Variants in CCDC85A observed in about 807,000 individuals in gnomAD.
CCDC85A encodes the protein coiled-coil domain containing 85A.
CCDC85A carries 38 observed loss-of-function variants against 50.2 expected under a neutral mutation model. The observed-to-expected ratio is 0.76, with a 90% CI of 0.58 to 0.99. CCDC85A has a LOEUF of 0.99. Among genes scored for constraint, CCDC85A ranks in the 50% least tolerant of loss-of-function variants. The pLI is 0.00. For missense variants in CCDC85A, 820 were observed against 742.0 expected (o/e 1.11, Z -1.22); for synonymous variants, 366 against 301.4 (o/e 1.21, Z -2.22).
At chr2:56,365,780 C>A (rs1191445442) in intron 3 of CCDC85A, among the ~76,000 whole-genome samples, 1 of 152,112 alleles carries the variant, frequency 6.6e-6, no homozygotes, top group East Asian at 1.9e-4. Flanking sequence ...CACTTTACAT[C>A]CACTTTCTTA....
At chr2:56,208,209 C>G (rs2103870294) in intron 2 of CCDC85A, among the ~76,000 whole-genome samples, 1 of 152,230 alleles carries the variant, frequency 6.6e-6, no homozygotes. Flanking sequence ...ATTCTGAGTT[C>G]TTATAAGAAT....
rs186962252 is a variant in CCDC85A at position 56,248,049 on chromosome 2, C to G, written c.1240+54609C>G. Among the ~76,000 whole-genome samples, 17 of 152,322 alleles carry G rather than the reference C, an allele frequency of 1.1e-4. No individual in the cohort carries two copies. In the East Asian group the frequency reaches 2.9e-3, roughly 26 times the overall value. On this transcript the variant is annotated intron_variant, in intron 2 of 5. Coordinates refer to ENST00000407595, the MANE Select transcript of CCDC85A (RefSeq NM_001080433.2). ...CAGAGTCACAGAACTTTATCTTTCT[C>G]TCTCACTGGATCATTTCAGAAAGTG...
chr2:56,358,965 T>TG (rs1675381621), intron 3 of CCDC85A, among the ~76,000 whole-genome samples: 2 of 42,720 alleles, frequency 4.7e-5, no homozygotes, highest in African/African-American at 1.1e-4. Context: ...TTTTGTATTT[T>TG]TTTTTTTTTT....
chr2:56,200,198 A>C (rs1331037433), intron 2 of CCDC85A, among the ~76,000 whole-genome samples: 1 of 152,246 alleles, frequency 6.6e-6, no homozygotes, highest in African/African-American at 2.4e-5. Flanking sequence ...TCTTGACTAC[A>C]GATAAGTGAG....
At chr2:56,362,052 G>T (rs1675553224) in intron 3 of CCDC85A, among the ~76,000 whole-genome samples, 1 of 152,136 alleles carries the variant, frequency 6.6e-6, no homozygotes, top group Admixed American at 6.5e-5. Flanking sequence ...TAGATGGAAT[G>T]TGGACTGTAA....
At chr2:56,379,983 G>T (rs74746590) in intron 5 of CCDC85A, 3,596 of 162,122 alleles carry the variant, frequency 0.022, 131 homozygotes, top group African/African-American at 0.082. Flanking sequence ...AATTTCCCTT[G>T]TTTTTATTTT....
At chr2:56,362,601 T>C (rs1406626217) in intron 3 of CCDC85A, among the ~76,000 whole-genome samples, 2 of 151,766 alleles carry the variant, frequency 1.3e-5, no homozygotes, top group East Asian at 3.9e-4. Context: ...TTTTTTTTTC[T>C]TTTTTTCTTT....
intron 5 of CCDC85A, among the ~76,000 whole-genome samples, chr2:56,380,441 T>C (rs1288743135): frequency 6.6e-6 from 1 of 151,954 alleles, no homozygotes; most frequent in Non-Finnish European, 1.5e-5. Context: ...ACACCTATAG[T>C]CCCAGCACTT....
At chr2:56,299,121 G>T (rs905208246) in intron 2 of CCDC85A, among the ~76,000 whole-genome samples, 8 of 152,132 alleles carry the variant, frequency 5.3e-5, no homozygotes, top group African/African-American at 1.9e-4. Context: ...TGATACCTCC[G>T]CTGTTTCTCC....
At chr2:56,250,589 C>T (rs895113199) in intron 2 of CCDC85A, among the ~76,000 whole-genome samples, 3 of 152,122 alleles carry the variant, frequency 2.0e-5, no homozygotes, top group Admixed American at 2.0e-4. Flanking sequence ...AAGGGCAGGA[C>T]ATTTTGGGTT....
chr2:56,199,749 C>CTGTGT (rs1676657725), intron 2 of CCDC85A, among the ~76,000 whole-genome samples: 1 of 152,180 alleles, frequency 6.6e-6, no homozygotes, highest in Non-Finnish European at 1.5e-5. Context: ...AACTGCCCTG[C>CTGTGT]TTAGAAATGT....
intron 3 of CCDC85A, among the ~76,000 whole-genome samples, chr2:56,345,034 C>T (rs577161807): frequency 2.4e-4 from 37 of 152,110 alleles, no homozygotes; most frequent in African/African-American, 8.9e-4. Flanking sequence ...CAGAAGAGTC[C>T]TTAACTATAC....
intron 2 of CCDC85A, among the ~76,000 whole-genome samples, chr2:56,246,431 A>T (rs1041363491): frequency 4.6e-5 from 7 of 152,110 alleles, no homozygotes; most frequent in Non-Finnish European, 8.8e-5. Flanking sequence ...ATCTAAAAAA[A>T]AAACCCCACA....
In CCDC85A at chr2:56,192,796, C is replaced by G. The variant is rs1676353206; in HGVS notation, c.596C>G (p.Ser199Cys). ...SQASLCQLTA[S>C]TAPYVRDVGD... ...GCCAGCCTGTGCCAACTCACAGCCT[C>G]CACCGCACCCTACGTGCGGGATGTG... The change falls in exon 2 of 6, where the codon TCC (serine) becomes TGC (cysteine). Residue 199 changes from serine to cysteine, a missense_variant. Physicochemically the swap from Ser to Cys is moderately radical, Grantham distance 112. Transcript: ENST00000407595. This position sits in a 1 kb window ranked among gnomAD's most constrained non-coding sequence, Gnocchi z 4.7. The G allele has an allele frequency of 1.2e-6, 2 of 1,613,292 alleles. No individual in the cohort carries two copies. The highest frequency in any genetic ancestry group is 2.2e-5 in the South Asian group (2 of 91,058).
chr2:56,275,703 T>C (rs1670902531), intron 2 of CCDC85A, among the ~76,000 whole-genome samples: 1 of 152,210 alleles, frequency 6.6e-6, no homozygotes, highest in South Asian at 2.1e-4. Context: ...TCTGATGTAA[T>C]ATTTTGTAAA....
intron 2 of CCDC85A, among the ~76,000 whole-genome samples, chr2:56,236,808 C>T (rs959957433): frequency 6.6e-6 from 1 of 152,084 alleles, no homozygotes; most frequent in Non-Finnish European, 1.5e-5. Flanking sequence ...ACAAATTTCT[C>T]AGGTCTCTTA....
At chr2:56,306,208 C>A (rs1029931951) in intron 2 of CCDC85A, among the ~76,000 whole-genome samples, 1 of 152,106 alleles carries the variant, frequency 6.6e-6, no homozygotes, top group African/African-American at 2.4e-5. Context: ...CAGCTCAGTA[C>A]AACCTCCGCC....
intron 2 of CCDC85A, among the ~76,000 whole-genome samples, chr2:56,252,338 G>A (rs746869975): frequency 2.6e-5 from 4 of 152,144 alleles, no homozygotes; most frequent in Non-Finnish European, 5.9e-5. Context: ...GAGCCACTGC[G>A]CCTGACCTCA....
chr2:56,317,554 A>G (rs773901806), intron 2 of CCDC85A, among the ~76,000 whole-genome samples: 17 of 152,202 alleles, frequency 1.1e-4, no homozygotes, highest in Non-Finnish European at 2.2e-4. Flanking sequence ...CTTTTTCCTC[A>G]TTAAGAGGAA....
Sources: gnomAD v4.1 joint callset for allele counts (sites outside exome capture counted in the v4.1 genomes callset) on GRCh38, gnomAD v4.1.1 for gene constraint, Gnocchi (gnomAD v3.1) non-coding constraint, MANE v1.5 for transcripts, NCBI Gene and HGNC (gene_info 2026-07-23, HGNC 2026-07-21) for gene names.